The following ARFGEF1 variants were observed in gnomAD, a reference collection of about 807,000 sequenced individuals.
ARFGEF1 encodes the protein brefeldin A-inhibited guanine nucleotide-exchange protein 1.
In ARFGEF1, 42 loss-of-function variants were observed where a neutral mutation model predicts 231.0. The ratio of observed to expected loss-of-function variants is 0.18; its 90% CI spans 0.14 to 0.24. The LOEUF (loss-of-function observed/expected upper bound fraction) is 0.24, where lower values mean the gene tolerates loss of function less well. Among genes scored for constraint, ARFGEF1 ranks in the 10% least tolerant of loss-of-function variants. ARFGEF1 has a pLI of 1.00. For missense variants in ARFGEF1, 1,345 were observed against 2,192.0 expected, an observed-to-expected ratio of 0.61 and a Z score of 7.72; for synonymous variants, 710 against 732.3, an observed-to-expected ratio of 0.97 and a Z score of 0.49.
At chr8:67,297,121 A>C (rs1188638241) in intron 4 of ARFGEF1, among the ~76,000 whole-genome samples, 1 of 152,246 alleles carries the variant, frequency 6.6e-6, no homozygotes, top group East Asian at 1.9e-4. Context: ...TCACTGCGGC[A>C]GTAATTTCCA....
intron 1 of ARFGEF1, among the ~76,000 whole-genome samples, chr8:67,307,650 G>GT (rs1806811603): frequency 6.6e-6 from 1 of 152,180 alleles, no homozygotes; most frequent in African/African-American, 2.4e-5. Flanking sequence ...TTCATTTTAA[G>GT]TAACTGTGGG....
intron 23 of ARFGEF1, among the ~76,000 whole-genome samples, chr8:67,228,983 A>T (rs1839471582): frequency 6.6e-6 from 1 of 152,084 alleles, no homozygotes. Context: ...GACATTCCTC[A>T]ACTTAGAATG....
chr8:67,197,728 G>C lies in ARFGEF1; in HGVS notation c.*1206C>G, dbSNP rs185353507. 6 of 985,598 alleles carry C rather than the reference G, an allele frequency of 6.1e-6. No homozygotes were observed. Among genetic ancestry groups the C allele is most frequent in the Non-Finnish European group, 7.2e-6 (6 of 829,760 alleles). 61.1% of individuals were successfully genotyped at this position (985,598 alleles called of 1,614,324 possible). A position where few individuals can be genotyped will look rare whatever the true frequency, so the allele number is the denominator to read the frequency against. On this transcript the variant is annotated 3_prime_UTR_variant, in exon 39 of 39. Transcript: ENST00000262215. The stretch of plus-strand genomic sequence containing the variant: ...AACCTGATTAGAATATGCCAGATGG[G>C]AATCAATATTGTACAGAAAGTTGTA...
intron 29 of ARFGEF1, among the ~76,000 whole-genome samples, chr8:67,220,800 G>C (rs1387580908): frequency 1.3e-5 from 2 of 152,114 alleles, no homozygotes; most frequent in African/African-American, 4.8e-5. Flanking sequence ...GGAGTAAGTG[G>C]ATATGGGCAA....
At chr8:67,312,546 T>C (rs1807122840) in intron 1 of ARFGEF1, among the ~76,000 whole-genome samples, 2 of 152,050 alleles carry the variant, frequency 1.3e-5, no homozygotes, top group African/African-American at 2.4e-5. Flanking sequence ...CAAACAAACC[T>C]GTCACCACAA....
At chr8:67,193,837 A>G (rs149443841), downstream of ARFGEF1, among the ~76,000 whole-genome samples, 2 of 152,354 alleles carry the variant, frequency 1.3e-5, no homozygotes, top group African/African-American at 4.8e-5. Flanking sequence ...AACAGGTAAA[A>G]TAGTTTTTGC....
chr8:67,340,969 C>T (rs1299508261), intron 1 of ARFGEF1, among the ~76,000 whole-genome samples: 4 of 152,176 alleles, frequency 2.6e-5, no homozygotes, highest in South Asian at 2.1e-4. Context: ...AGGGAATACC[C>T]AATGCACGAG....
chr8:67,178,427 G>A (rs893604585), intron 5 of ARFGEF1, among the ~76,000 whole-genome samples: 1 of 152,172 alleles, frequency 6.6e-6, no homozygotes, highest in Admixed American at 6.5e-5. Context: ...TCTAGGTGCC[G>A]GGGTATAGGA....
intron 1 of ARFGEF1, among the ~76,000 whole-genome samples, chr8:67,334,408 C>G (rs1808249264): frequency 6.6e-6 from 1 of 151,380 alleles, no homozygotes. Flanking sequence ...ATCATAACAA[C>G]TAGGATGGCT....
intron 10 of ARFGEF1, 67 bp downstream of exon 10, chr8:67,271,635 A>C: frequency 8.5e-7 from 1 of 1,170,800 alleles, no homozygotes; most frequent in Non-Finnish European, 1.2e-6. Context: ...CAGTGTATTC[A>C]AATATAATTT....
chr8:67,252,866 C>T (rs1298415807), intron 18 of ARFGEF1, among the ~76,000 whole-genome samples: 1 of 152,156 alleles, frequency 6.6e-6, no homozygotes, highest in Non-Finnish European at 1.5e-5. Flanking sequence ...ATCATCCCTA[C>T]TTCCAGCTTC....
intron 14 of ARFGEF1, among the ~76,000 whole-genome samples, chr8:67,260,842 A>G (rs1047604622): frequency 3.3e-5 from 5 of 152,236 alleles, no homozygotes; most frequent in Non-Finnish European, 7.3e-5. Context: ...TTCTTGAAGG[A>G]AGTTAAAAGT....
chr8:67,328,121 T>TA (rs1164706790), intron 1 of ARFGEF1, among the ~76,000 whole-genome samples: 1 of 152,136 alleles, frequency 6.6e-6, no homozygotes, highest in Non-Finnish European at 1.5e-5. Flanking sequence ...GACATTTTTT[T>TA]AAAAAAGATA....
chr8:67,224,214 A>C (rs1216933423), intron 29 of ARFGEF1, among the ~76,000 whole-genome samples: 1 of 152,192 alleles, frequency 6.6e-6, no homozygotes, highest in Non-Finnish European at 1.5e-5. Flanking sequence ...GTTTACCATA[A>C]AATTGAACTC....
At position 67,296,614 on chromosome 8, in the gene ARFGEF1, TAAGAAAAAAA is replaced by T; in HGVS notation, c.460-14_460-5del. The T allele has an allele frequency of 6.4e-7, 1 of 1,564,430 alleles. No individual in the cohort carries two copies. Among genetic ancestry groups the T allele is most frequent in the Non-Finnish European group, 8.6e-7 (1 of 1,160,284 alleles). On this transcript the variant is annotated splice_polypyrimidine_tract_variant and splice_region_variant and intron_variant, in intron 4 of 38. Coordinates refer to ENST00000262215, the MANE Select transcript of ARFGEF1 (RefSeq NM_006421.5). ...ATGTTACTGCAGTAAGTAAAGCCTT[TAAGAAAAAAA>T]AAGGAAAAAGTTAAAGAGATTTTCT... is the stretch of plus-strand genomic sequence containing the variant.
At chr8:67,214,562 A>G (rs1245488540) in intron 33 of ARFGEF1, among the ~76,000 whole-genome samples, 2 of 152,188 alleles carry the variant, frequency 1.3e-5, no homozygotes, top group African/African-American at 4.8e-5. Flanking sequence ...CATGCTTTGG[A>G]GAGAAGGCCA....
intron 5 of ARFGEF1, among the ~76,000 whole-genome samples, chr8:67,294,235 T>C (rs1806134363): frequency 1.3e-5 from 2 of 152,140 alleles, no homozygotes; most frequent in Non-Finnish European, 2.9e-5. Flanking sequence ...TATCCACAGA[T>C]TTTGGTATCC....
At chr8:67,216,923 G>C (rs1279373352) in intron 32 of ARFGEF1, among the ~76,000 whole-genome samples, 1 of 150,914 alleles carries the variant, frequency 6.6e-6, no homozygotes, top group African/African-American at 2.4e-5. Flanking sequence ...AACACTTTCT[G>C]ATAAGTTTTA....
intron 1 of ARFGEF1, among the ~76,000 whole-genome samples, chr8:67,306,193 A>G (rs1806736503): frequency 6.6e-6 from 1 of 152,202 alleles, no homozygotes; most frequent in Admixed American, 6.5e-5. Flanking sequence ...CTTGAACACA[A>G]GCATGCCCTA....
Sources: allele counts gnomAD v4.1 joint callset (sites outside exome capture counted in the v4.1 genomes callset), GRCh38; gene constraint gnomAD v4.1.1; transcripts MANE v1.5; gene names NCBI Gene and HGNC (gene_info 2026-07-23, HGNC 2026-07-21).